Variants in RNF32 observed in about 807,000 individuals in gnomAD.
RNF32 encodes the protein ring finger protein 32.
RNF32 carries 36 observed loss-of-function variants against 41.0 expected under a neutral mutation model. The observed-to-expected ratio is 0.88, with a 90% CI of 0.67 to 1.16. The LOEUF (loss-of-function observed/expected upper bound fraction) is 1.16. RNF32 is among the 50% of genes most tolerant of loss of function. The pLI is 0.00. For missense variants in RNF32, 413 were observed against 436.7 expected, an observed-to-expected ratio of 0.95 and a Z score of 0.48; for synonymous variants, 154 against 160.9, an observed-to-expected ratio of 0.96 and a Z score of 0.32.
At chr7:156,676,256 T>TAC (rs1563105938) in intron 8 of RNF32, 163 bp from the exon 9 acceptor site, 1 of 1,535,176 alleles carries the variant, frequency 6.5e-7, no homozygotes, top group Non-Finnish European at 8.8e-7. Context: ...TATATATATA[T>TAC]GTATATATAT....
In RNF32 at chr7:156,654,549, C is replaced by T. The variant is rs376852175; in HGVS notation, c.275-27C>T. 8.8e-6 allele frequency: 14 copies of T among 1,587,594 alleles called. No homozygotes were observed. In the Admixed American group the frequency reaches 1.0e-4, roughly 11 times the overall value. The stretch of plus-strand genomic sequence containing the variant: ...TGCCATATGCTAAAAGACACTCTAA[C>T]TCCTGTCCTGTGCTGTCTTACTTTA... On this transcript the variant is annotated intron_variant, in intron 3 of 8. Transcript: ENST00000317955.
chr7:156,670,326 A>C lies in RNF32; in HGVS notation c.685-5370A>C, dbSNP rs927624740. On this transcript the variant is annotated intron_variant, in intron 7 of 8. Coordinates refer to ENST00000317955, the MANE Select transcript of RNF32 (RefSeq NM_030936.4). The surrounding 1 kb of genome is among the most constrained non-coding windows in gnomAD (Gnocchi z 4.3). ...GTCAGGCCCTGCCTTCAGCTCACTGAGGAGTCAGGTCTGCAAGGGGGGCCC... is the reference window on the plus strand; with the variant it reads ...GTCAGGCCCTGCCTTCAGCTCACTGCGGAGTCAGGTCTGCAAGGGGGGCCC... Among the ~76,000 whole-genome samples the C allele has an allele frequency of 6.6e-6, 1 of 152,182 alleles. No individual in the cohort carries two copies. The highest frequency in any genetic ancestry group is 2.4e-5 in the African/African-American group (1 of 41,438).
intron 3 of RNF32, among the ~76,000 whole-genome samples, chr7:156,652,046 T>C: frequency 6.6e-6 from 1 of 152,204 alleles, no homozygotes; most frequent in East Asian, 1.9e-4. Context: ...TCTCTGTCAG[T>C]AGCTCCCTGG....
Position 156,670,979 on chromosome 7 carries a change from G to A in RNF32, c.685-4717G>A, listed in dbSNP as rs192153449. 8.1e-4 allele frequency among the ~76,000 whole-genome samples: 123 copies of A among 152,268 alleles called. No homozygotes were observed. The highest frequency in any genetic ancestry group is 2.9e-3 in the African/African-American group (122 of 41,544). ...AGGTTAAAAGAGAGAGAGAGCTTAT[G>A]ACAAAAATAACATAAAGCAGGAGAG... On this transcript the variant is annotated intron_variant, in intron 7 of 8. Transcript: ENST00000317955. The surrounding 1 kb of genome is among the most constrained non-coding windows in gnomAD (Gnocchi z 4.3).
chr7:156,642,042 T>A (rs1031805632), intron 1 of RNF32, among the ~76,000 whole-genome samples: 2 of 152,240 alleles, frequency 1.3e-5, no homozygotes, highest in African/African-American at 4.8e-5. Context: ...TTAGTGAGTT[T>A]GTTCTTTCGG....
chr7:156,647,937 C>T (rs1035819221), intron 3 of RNF32, among the ~76,000 whole-genome samples: 12 of 151,950 alleles, frequency 7.9e-5, no homozygotes, highest in Non-Finnish European at 1.6e-4. Flanking sequence ...TGACGAGTGA[C>T]GACCATTTTT....
intron 7 of RNF32, among the ~76,000 whole-genome samples, chr7:156,671,737 G>A (rs940562890): frequency 1.3e-5 from 2 of 152,082 alleles, no homozygotes; most frequent in African/African-American, 2.4e-5. Flanking sequence ...CTCCCCAGTC[G>A]TCCTAGTATC....
intron 7 of RNF32, among the ~76,000 whole-genome samples, chr7:156,665,155 G>T (rs916423143): frequency 6.6e-6 from 1 of 152,170 alleles, no homozygotes; most frequent in African/African-American, 2.4e-5. Context: ...AGATTCATCG[G>T]TGTCTATAGG....
intron 1 of RNF32, among the ~76,000 whole-genome samples, chr7:156,643,586 C>G (rs1797637654): frequency 6.6e-6 from 1 of 152,182 alleles, no homozygotes; most frequent in African/African-American, 2.4e-5. Flanking sequence ...CTCAGGAGCT[C>G]AGGGGTGAAC....
chr7:156,650,385 TTCCACGACATGCTTAGA>T (rs1199443314), intron 3 of RNF32, among the ~76,000 whole-genome samples: 1 of 152,210 alleles, frequency 6.6e-6, no homozygotes, highest in Non-Finnish European at 1.5e-5. Flanking sequence ...GTAGCAAGAC[TTCCACGACATGCTTAGA>T]TCCATCAAGA....
intron 7 of RNF32, among the ~76,000 whole-genome samples, chr7:156,674,753 C>T (rs546667784): frequency 6.6e-6 from 1 of 152,296 alleles, no homozygotes; most frequent in East Asian, 1.9e-4. Flanking sequence ...TATTTTGGAT[C>T]TGTTGGGTCA....
chr7:156,666,111 A>G (rs1030284564), intron 7 of RNF32, among the ~76,000 whole-genome samples: 1 of 152,194 alleles, frequency 6.6e-6, no homozygotes, highest in Non-Finnish European at 1.5e-5. Flanking sequence ...AAGGAGGGCA[A>G]GGAGGGATAA....
chr7:156,667,235 G>C (rs1467124965), intron 7 of RNF32, among the ~76,000 whole-genome samples: 1 of 152,242 alleles, frequency 6.6e-6, no homozygotes, highest in South Asian at 2.1e-4. Flanking sequence ...TTTTGAGGGC[G>C]GCCATAAGTC....
chr7:156,660,821 G>A (rs77903979), intron 7 of RNF32, among the ~76,000 whole-genome samples: 2 of 152,196 alleles, frequency 1.3e-5, no homozygotes, highest in Admixed American at 1.3e-4. Flanking sequence ...CCGGGCGGTT[G>A]GATTACGGTT....
At chr7:156,663,252 GAAAACTAGGTT>G (rs1164701592) in intron 7 of RNF32, among the ~76,000 whole-genome samples, 1 of 152,122 alleles carries the variant, frequency 6.6e-6, no homozygotes, top group Non-Finnish European at 1.5e-5. Flanking sequence ...AAACCATAAA[GAAAACTAGGTT>G]ACTTACTGTC....
rs1420071935 is a variant in RNF32 at position 156,643,718 on chromosome 7, A to G, written c.-77-83A>G. 3 of 684,384 alleles carry G rather than the reference A, an allele frequency of 4.4e-6. No homozygotes were observed. The African/African-American group carries it at 5.4e-5, about 12-fold the overall frequency. The allele number at this position is 684,384 out of a possible 1,614,324, so 42.4% of individuals were successfully genotyped here. ...CATTCCTGCTGCTTCAGGATCTGTT[A>G]GACTCTTACAGAGCATCCTCACAAA... On this transcript the variant is annotated intron_variant, in intron 1 of 8. Coordinates refer to ENST00000317955, the MANE Select transcript of RNF32 (RefSeq NM_030936.4).
intron 7 of RNF32, among the ~76,000 whole-genome samples, chr7:156,675,056 G>GT (rs1398740496): frequency 6.6e-6 from 1 of 152,216 alleles, no homozygotes; most frequent in African/African-American, 2.4e-5. Context: ...GATTTACTTA[G>GT]TAAGTCCCAT....
chr7:156,651,738 A>G lies in RNF32; in HGVS notation c.275-2838A>G, dbSNP rs1166066465. On this transcript the variant is annotated intron_variant, in intron 3 of 8. Coordinates refer to ENST00000317955, the MANE Select transcript of RNF32 (RefSeq NM_030936.4). ...CAGTTTCCTTCTCAGACATTTTTCT[A>G]TTCTACCTGAAGTTCTGTCTCATTT... Among the ~76,000 whole-genome samples the G allele has an allele frequency of 2.0e-5, 3 of 152,294 alleles. No homozygotes were observed. The South Asian group carries it at 6.2e-4, about 32-fold the overall frequency.
At chr7:156,642,562 C>G (rs1447368879) in intron 1 of RNF32, among the ~76,000 whole-genome samples, 1 of 152,220 alleles carries the variant, frequency 6.6e-6, no homozygotes, top group African/African-American at 2.4e-5. Flanking sequence ...ATACCGTATG[C>G]TTTACGAGTT....
Sources: gnomAD v4.1 joint callset for allele counts (sites outside exome capture counted in the v4.1 genomes callset) on GRCh38, gnomAD v4.1.1 for gene constraint, Gnocchi (gnomAD v3.1) non-coding constraint, MANE v1.5 for transcripts, NCBI Gene and HGNC (gene_info 2026-07-23, HGNC 2026-07-21) for gene names.